Variants in COQ3 observed in about 807,000 individuals in gnomAD.
COQ3 encodes the protein ubiquinone biosynthesis O-methyltransferase, mitochondrial.
Under a neutral mutation model 33.1 loss-of-function variants are expected in COQ3, and 29 were observed. The ratio of observed to expected loss-of-function variants is 0.88; its 90% CI spans 0.65 to 1.19. COQ3 has a LOEUF of 1.19. COQ3 is among the 50% of genes most tolerant of loss of function. The pLI is 0.00. For synonymous variants in COQ3, 173 were observed against 157.8 expected, an observed-to-expected ratio of 1.10 and a Z score of -0.72; for missense variants, 437 against 430.7, an observed-to-expected ratio of 1.01 and a Z score of -0.13.
chr6:99,389,796 T>C lies in COQ3; in HGVS notation c.106+4278A>G, dbSNP rs1422499199. ...ATTTATTTAAGCAGTTCCCTAATAA[T>C]GAGCATTTGGGTAATTATCAAAACT... On this transcript the variant is annotated intron_variant, in intron 1 of 6. Transcript: ENST00000254759. 2.0e-5 allele frequency among the ~76,000 whole-genome samples: 3 copies of C among 152,282 alleles called. No individual in the cohort carries two copies. The East Asian group carries it at 5.8e-4, about 29-fold the overall frequency.
intron 1 of COQ3, among the ~76,000 whole-genome samples, chr6:99,391,262 C>T (rs1315598350): frequency 6.7e-6 from 1 of 149,128 alleles, no homozygotes; most frequent in Non-Finnish European, 1.5e-5. Context: ...CCATGCCTGG[C>T]TAAATTTTGT....
At chr6:99,374,322 G>T (rs796421378) in intron 5 of COQ3, among the ~76,000 whole-genome samples, 4 of 152,188 alleles carry the variant, frequency 2.6e-5, no homozygotes, top group African/African-American at 9.6e-5. Flanking sequence ...CAAGTGCAGG[G>T]TCAGCACCTG....
Position 99,375,967 on chromosome 6 carries a change from A to C in COQ3, c.702T>G (p.Phe234Leu), listed in dbSNP as rs1215287867. The change falls in exon 5 of 7, where the codon TTT becomes TTG. Residue 234 changes from phenylalanine (F) to leucine (L), a missense_variant. Transcript: ENST00000254759. ...TTAACACTTGACAGCAGCACTGTAA[A>C]AATGTTTCTAGATCAATCACATGTT... ...VVEHVIDLET[F>L]LQCCCQVLKP... The C allele has an allele frequency of 1.2e-6, 2 of 1,614,124 alleles. No homozygotes were observed. The highest frequency in any genetic ancestry group is 1.7e-6 in the Non-Finnish European group (2 of 1,180,026).
intron 2 of COQ3, chr6:99,383,153 A>G (rs962854019): frequency 1.3e-5 from 2 of 152,192 alleles, no homozygotes; most frequent in African/African-American, 4.8e-5. Context: ...ACAACAAAAA[A>G]CAGAGTTCAA....
chr6:99,382,691 T>C (rs1582725805), intron 2 of COQ3, among the ~76,000 whole-genome samples: 1 of 152,110 alleles, frequency 6.6e-6, no homozygotes, highest in East Asian at 1.9e-4. Context: ...CGGTGGCTCA[T>C]GCCTGTAATC....
rs76030691 is a variant in COQ3, at chr6:99,369,694, G to A, written c.1016C>T (p.Pro339Leu). 1 of 1,613,832 alleles carries A rather than the reference G, an allele frequency of 6.2e-7. No individual in the cohort carries two copies. Among genetic ancestry groups the A allele is most frequent in the Non-Finnish European group, 8.5e-7 (1 of 1,179,904 alleles). ...YAVKSRVQEH[P>L]ASAEFVLKGE... ...CTTTAAAACAAACTCAGCAGAGGCT[G>A]GGTGTTCCTGGACCCTGGATTTCAC... Residue 339 changes from proline to leucine, a missense_variant, in exon 7 of 7, where the codon CCA (proline) becomes CTA (leucine). By Grantham distance (98) the Pro-to-Leu change is moderately conservative. Transcript: ENST00000254759.
chr6:99,394,028 C>T, intron 1 of COQ3, 46 bp downstream of exon 1: 1 of 1,525,580 alleles, frequency 6.6e-7, no homozygotes, highest in Non-Finnish European at 9.1e-7. Context: ...GAGACGCCAG[C>T]GCTCGCAATT....
chr6:99,383,678 C>A lies in COQ3; in HGVS notation c.233+20G>T. The A allele has an allele frequency of 1.3e-6, 2 of 1,539,360 alleles. No homozygotes were observed. The highest frequency in any genetic ancestry group is 2.3e-5 in the East Asian group (1 of 43,082). ...TACATATAATTACGTGAATATTTGC[C>A]ACAGTAATAATAAACCCACCTGAAA... On this transcript the variant is annotated intron_variant, in intron 2 of 6. Coordinates refer to ENST00000254759, the MANE Select transcript of COQ3 (RefSeq NM_017421.4).
At chr6:99,394,031 T>A in intron 1 of COQ3, 43 bp downstream of exon 1, 1 of 1,526,830 alleles carries the variant, frequency 6.5e-7, no homozygotes, top group Admixed American at 1.7e-5. Flanking sequence ...ACGCCAGCGC[T>A]CGCAATTGAC....
chr6:99,377,760 T>C (rs1297971812), intron 3 of COQ3, among the ~76,000 whole-genome samples: 1 of 152,088 alleles, frequency 6.6e-6, no homozygotes, highest in Non-Finnish European at 1.5e-5. Context: ...ATAATCTAGA[T>C]TAACCTAATT....
In COQ3 at chr6:99,376,263, C is replaced by T. The variant is rs539784008; in HGVS notation, c.487-81G>A. The T allele has an allele frequency of 5.6e-6, 8 of 1,430,972 alleles. No individual in the cohort carries two copies. In the East Asian group the frequency reaches 1.6e-4, roughly 29 times the overall value. 88.6% of individuals were successfully genotyped at this position (1,430,972 alleles called of 1,614,324 possible). On this transcript the variant is annotated intron_variant, in intron 4 of 6. Transcript: ENST00000254759. ...AATAAAAAGCTTATCAAAAATGAAA[C>T]AAGATTAACCATGAGGTGATAAATA...
Position 99,380,312 on chromosome 6 carries a change from G to C in COQ3, c.263C>G (p.Ser88Cys). The C allele has an allele frequency of 6.2e-7, 1 of 1,613,996 alleles. No individual in the cohort carries two copies. Among genetic ancestry groups the C allele is most frequent in the Non-Finnish European group, 8.5e-7 (1 of 1,179,968 alleles). Residue 88 changes from serine to cysteine, a missense_variant, in exon 3 of 7, where the codon TCC becomes TGC. Transcript: ENST00000254759. Reference protein sequence around the residue: ...RYPWARLYSTSQTTVDSGEVK... With the variant: ...RYPWARLYSTCQTTVDSGEVK... ...CTCACCGCTGTCGACAGTGGTTTGG[G>C]AAGTACTGTACAGTCTCGCCCAAGG... is the stretch of plus-strand genomic sequence containing the variant.
chr6:99,375,902 A>C (rs1582717551), intron 5 of COQ3, 38 bp downstream of exon 5: 2 of 1,608,988 alleles, frequency 1.2e-6, no homozygotes, highest in East Asian at 4.5e-5. Context: ...ACACACACTC[A>C]GAAGAAGAAA....
At position 99,370,344 on chromosome 6, in the gene COQ3, C is replaced by CTTTTTTTTTTTTTTTTTTTTTT; in HGVS notation, c.890-525_890-524insAAAAAAAAAAAAAAAAAAAAAA. 3.5e-4 allele frequency among the ~76,000 whole-genome samples: 35 copies of CTTTTTTTTTTTTTTTTTTTTTT among 101,250 alleles called. 2 individuals are homozygous for CTTTTTTTTTTTTTTTTTTTTTT. The highest frequency in any genetic ancestry group is 6.8e-4 in the South Asian group (2 of 2,956). The allele number at this position is 101,250 out of a possible 152,430, so 66.4% of individuals were successfully genotyped here. On this transcript the variant is annotated intron_variant, in intron 6 of 6. Coordinates refer to ENST00000254759, the MANE Select transcript of COQ3 (RefSeq NM_017421.4). ...TTCTTTCTTTCTTTTCTTTTCTTTACTTTTTTTTTTTTTTTTTTTTGTGAG... is the reference window on the plus strand; with the variant it reads ...TTCTTTCTTTCTTTTCTTTTCTTTACTTTTTTTTTTTTTTTTTTTTTTTTTTTTTTTTTTTTTTTTTTGTGAG...
intron 5 of COQ3, among the ~76,000 whole-genome samples, chr6:99,375,446 C>T (rs9494253): frequency 0.025 from 3,766 of 150,980 alleles, 184 homozygotes; most frequent in African/African-American, 0.088. Flanking sequence ...TGCAGTGACA[C>T]GATCTCGCCT....
chr6:99,389,335 G>A (rs1195116614), intron 1 of COQ3, among the ~76,000 whole-genome samples: 1 of 152,028 alleles, frequency 6.6e-6, no homozygotes, highest in Admixed American at 6.6e-5. Context: ...ATGTTGACCC[G>A]CCTGATCTCA....
intron 1 of COQ3, 79 bp downstream of exon 1, chr6:99,393,995 G>C: frequency 1.7e-6 from 2 of 1,197,452 alleles, no homozygotes; most frequent in Non-Finnish European, 2.5e-6. Context: ...ACAACCCACC[G>C]CCCCACCCCC....
In COQ3 at chr6:99,369,686, C is replaced by G; in HGVS notation, c.1024G>C (p.Ala342Pro). ...GTTTCTCCCTTTAAAACAAACTCAG[C>G]AGAGGCTGGGTGTTCCTGGACCCTG... ...KSRVQEHPAS[A>P]EFVLKGETEE... The change falls in exon 7 of 7, where the codon GCT (alanine) becomes CCT (proline). Residue 342 changes from alanine (A) to proline (P), a missense_variant. Physicochemically the swap from Ala to Pro is conservative, Grantham distance 27. Transcript: ENST00000254759. The G allele has an allele frequency of 8.7e-6, 14 of 1,614,050 alleles. No homozygotes were observed. The highest frequency in any genetic ancestry group is 1.2e-5 in the Non-Finnish European group (14 of 1,179,984).
At chr6:99,373,500 G>T (rs1327536448) in intron 5 of COQ3, among the ~76,000 whole-genome samples, 2 of 151,366 alleles carry the variant, frequency 1.3e-5, no homozygotes, top group Middle Eastern at 3.2e-3. Context: ...TTAAGGAAAT[G>T]GTGGTAAGCA....
Sources: gnomAD v4.1 joint callset for allele counts (sites outside exome capture counted in the v4.1 genomes callset) on GRCh38, gnomAD v4.1.1 for gene constraint, MANE v1.5 for transcripts, NCBI Gene and HGNC (gene_info 2026-07-23, HGNC 2026-07-21) for gene names.